Variants in ST7 observed in about 807,000 individuals in gnomAD.
ST7 encodes suppression of tumorigenicity 7.
A neutral mutation model predicts 78.7 loss-of-function variants in ST7; 28 were observed. The ratio of observed to expected loss-of-function variants is 0.36; its 90% confidence interval spans 0.26 to 0.49. ST7 has a LOEUF of 0.49. Among genes scored for constraint, ST7 ranks in the 20% least tolerant of loss-of-function variants. The probability of loss-of-function intolerance (pLI) is 0.99; values close to 1 mark genes in which losing one functional copy is unlikely to be tolerated. For synonymous variants in ST7, 247 were observed against 249.6 expected, an observed-to-expected ratio of 0.99 and a Z score of 0.10; for missense variants, 418 against 696.0, an observed-to-expected ratio of 0.60 and a Z score of 4.49.
chr7:116,991,367 T>A (rs1794419824), intron 1 of ST7, among the ~76,000 whole-genome samples: 1 of 151,980 alleles, frequency 6.6e-6, no homozygotes, highest in Non-Finnish European at 1.5e-5. Flanking sequence ...GAAAAAGAGG[T>A]TTAATTGGAC....
chr7:117,203,788 C>A (rs912863689), intron 12 of ST7, among the ~76,000 whole-genome samples: 2 of 152,130 alleles, frequency 1.3e-5, no homozygotes, highest in Admixed American at 1.3e-4. Context: ...GGGGACCTGG[C>A]CTGATTCATA....
chr7:117,163,533 C>A (rs1807312074), intron 9 of ST7, among the ~76,000 whole-genome samples: 1 of 152,060 alleles, frequency 6.6e-6, no homozygotes, highest in Non-Finnish European at 1.5e-5. Context: ...ATTTGCATTT[C>A]TCTGATAATC....
chr7:117,134,266 C>A, intron 7 of ST7, 74 bp downstream of exon 7: 1 of 1,596,138 alleles, frequency 6.3e-7, no homozygotes, highest in African/African-American at 1.3e-5. Flanking sequence ...ATGGTTGACA[C>A]CCCCATCACC....
In ST7 at chr7:117,007,219, C is replaced by A. The variant is rs182599829; in HGVS notation, c.151+53528C>A. ...AAGATATGGATGCGAGGGAAAAATT[C>A]TTGAAGGAAATGTAAAGTGCTACTC... On this transcript the variant is annotated intron_variant, in intron 1 of 15. Transcript: ENST00000323984. Among the ~76,000 whole-genome samples the A allele has an allele frequency of 1.1e-4, 17 of 152,274 alleles. No individual in the cohort carries two copies. The East Asian group carries it at 3.3e-3, about 29-fold the overall frequency.
intron 1 of ST7, among the ~76,000 whole-genome samples, chr7:117,070,152 T>G (rs931938315): frequency 1.3e-5 from 2 of 152,202 alleles, no homozygotes; most frequent in African/African-American, 4.8e-5. Flanking sequence ...CAAATAACTT[T>G]CAGGACATTT....
intron 1 of ST7, among the ~76,000 whole-genome samples, chr7:116,994,433 ATAAT>A (rs1794559967): frequency 6.6e-6 from 1 of 152,260 alleles, no homozygotes; most frequent in African/African-American, 2.4e-5. Flanking sequence ...ACTTAAAGGC[ATAAT>A]TAATTATTTG....
chr7:117,016,873 A>AT (rs987265499), intron 1 of ST7, among the ~76,000 whole-genome samples: 4 of 152,178 alleles, frequency 2.6e-5, no homozygotes, highest in East Asian at 1.9e-4. Flanking sequence ...TGGCAGAGTG[A>AT]TTTTTTTGTA....
At chr7:117,138,614 T>C in intron 9 of ST7, 82 bp downstream of exon 9, 3 of 989,474 alleles carry the variant, frequency 3.0e-6, no homozygotes, top group South Asian at 1.4e-5. Flanking sequence ...GTACCAGTGA[T>C]GGTGTGGTGG....
At chr7:116,954,273 GGGGCTGTCTCTCTGGTT>G in intron 1 of ST7, 1 of 152,260 alleles carries the variant, frequency 6.6e-6, no homozygotes, top group East Asian at 1.9e-4. Context: ...TGCCGGGCGT[GGGGCTGTCTCTCTGGTT>G]GGGTAGTGGG....
At chr7:117,070,581 G>A (rs746314049) in intron 1 of ST7, among the ~76,000 whole-genome samples, 4 of 152,012 alleles carry the variant, frequency 2.6e-5, no homozygotes, top group Non-Finnish European at 5.9e-5. Context: ...TTGCTCTATC[G>A]CCCAGGCTGG....
chr7:117,013,778 A>G (rs1217796622), intron 1 of ST7, among the ~76,000 whole-genome samples: 1 of 152,230 alleles, frequency 6.6e-6, no homozygotes, highest in Non-Finnish European at 1.5e-5. Flanking sequence ...GGCTGCAGTG[A>G]GGCGAGATCA....
chr7:117,137,921 A>AT (rs1459738663), intron 8 of ST7, among the ~76,000 whole-genome samples: 1 of 152,120 alleles, frequency 6.6e-6, no homozygotes, highest in African/African-American at 2.4e-5. Context: ...CTCTATTGTC[A>AT]TATCTGGAAT....
chr7:117,197,391 T>C (rs1003152229), intron 12 of ST7, among the ~76,000 whole-genome samples: 1 of 152,180 alleles, frequency 6.6e-6, no homozygotes, highest in Non-Finnish European at 1.5e-5. Flanking sequence ...ATAATGAACC[T>C]CTTTGGGCAA....
intron 9 of ST7, chr7:117,144,219 T>C (rs1805560564): frequency 6.6e-6 from 1 of 152,192 alleles, no homozygotes; most frequent in Admixed American, 6.5e-5. Context: ...TGCTTCTGTA[T>C]TCAGTCTATG....
At chr7:117,002,813 C>CTTTTTTTTTT (rs397970060) in intron 1 of ST7, among the ~76,000 whole-genome samples, 27 of 72,148 alleles carry the variant, frequency 3.7e-4, no homozygotes, top group East Asian at 5.1e-4. Context: ...ATTTTTTTTC[C>CTTTTTTTTTT]TTTTTTTTTT....
At chr7:116,955,257 T>G (rs1792400175) in intron 1 of ST7, 2 of 376,670 alleles carry the variant, frequency 5.3e-6, no homozygotes, top group Non-Finnish European at 1.1e-5. Context: ...ACAGTGTTAG[T>G]CTGTTTTGTG....
rs770145423 is a variant in ST7, at chr7:117,129,749, C to T, written c.395-44C>T. On this transcript the variant is annotated intron_variant, in intron 3 of 15. Coordinates refer to ENST00000323984, the MANE Select transcript of ST7 (RefSeq NM_001369598.1). ...TGCTGAATTAATTAGCTTGTAGTGT[C>T]ACTGAACTTACGCGTAACATTTTCA... 1.1e-5 allele frequency: 17 copies of T among 1,486,128 alleles called. No individual in the cohort carries two copies. The East Asian group carries it at 3.4e-4, about 30-fold the overall frequency. The allele number at this position is 1,486,128 out of a possible 1,614,324, so 92.1% of individuals were successfully genotyped here.
intron 12 of ST7, among the ~76,000 whole-genome samples, chr7:117,196,750 C>T (rs1256817308): frequency 1.4e-5 from 2 of 140,966 alleles, no homozygotes; most frequent in African/African-American, 5.2e-5. Flanking sequence ...GTTACCTTTT[C>T]GCTCTGTTGA....
At chr7:117,206,774 A>G (rs1199533743) in intron 12 of ST7, among the ~76,000 whole-genome samples, 2 of 152,192 alleles carry the variant, frequency 1.3e-5, no homozygotes, top group Non-Finnish European at 2.9e-5. Context: ...GATTCCTGTC[A>G]TGAACACCTT....
Sources: gnomAD v4.1 joint callset for allele counts (sites outside exome capture counted in the v4.1 genomes callset) on GRCh38, gnomAD v4.1.1 for gene constraint, MANE v1.5 for transcripts, NCBI Gene and HGNC (gene_info 2026-07-23, HGNC 2026-07-21) for gene names.